APOC4: variants seen among roughly 807,000 people sequenced by gnomAD.
APOC4 encodes the protein apolipoprotein C-IV.
Under a neutral mutation model 8.4 loss-of-function variants are expected in APOC4, and 10 were observed. The ratio of observed to expected loss-of-function variants is 1.19; its 90% CI spans 0.74 to 2.03. The LOEUF (loss-of-function observed/expected upper bound fraction) is 2.03, where lower values mean the gene tolerates loss of function less well. Ranked by LOEUF, APOC4 falls within the 30% of genes most tolerant of loss-of-function variation. APOC4 has a pLI of 0.00. For missense variants in APOC4, 160 were observed against 156.1 expected (o/e 1.02, Z -0.13); for synonymous variants, 59 against 65.8 (o/e 0.90, Z 0.50).
rs367589753 is a variant in APOC4 at position 44,942,369 on chromosome 19, T to G, written c.76+16T>G. On this transcript the variant is annotated intron_variant, in intron 1 of 2. Transcript: ENST00000592954. ...TGCATTGGGGGTGAGAAGAAGTGGGTGGAGGGATGTGGGGCCCACACCTGG... is the reference window on the plus strand; with the variant it reads ...TGCATTGGGGGTGAGAAGAAGTGGGGGGAGGGATGTGGGGCCCACACCTGG... 2.4e-5 allele frequency: 38 copies of G among 1,611,516 alleles called. No individual in the cohort carries two copies. The African/African-American group carries it at 4.7e-4, about 20-fold the overall frequency.
chr19:44,943,391 A>T (rs1416403972), intron 1 of APOC4, among the ~76,000 whole-genome samples: 2 of 150,454 alleles, frequency 1.3e-5, no homozygotes, highest in East Asian at 4.0e-4. Flanking sequence ...TTAAAATGGG[A>T]TCATATTCTA....
At chr19:44,943,722 G>A (rs1209424697) in intron 1 of APOC4, among the ~76,000 whole-genome samples, 4 of 150,486 alleles carry the variant, frequency 2.7e-5, no homozygotes, top group South Asian at 2.1e-4. Context: ...GCGAGACTCC[G>A]TCTGAAAAAA....
Position 44,942,348 on chromosome 19 carries a change from T to A in APOC4, c.71T>A (p.Ile24Asn), listed in dbSNP as rs774128549. ...LCLCVLVLACIGACQPEAQEG... is the reference protein window; with the variant it reads ...LCLCVLVLACNGACQPEAQEG... ...CTCTGCGTGCTGGTCCTGGCCTGCA[T>A]TGGGGGTGAGAAGAAGTGGGTGGAG... The change falls in exon 1 of 3, where the codon ATT becomes AAT. Residue 24 changes from isoleucine to asparagine, a missense_variant. Physicochemically the swap from Ile to Asn is moderately radical, Grantham distance 149. Transcript: ENST00000592954. 4 of 1,612,410 alleles carry A rather than the reference T, an allele frequency of 2.5e-6. No homozygotes were observed. The Admixed American group carries it at 6.7e-5, about 27-fold the overall frequency.
chr19:44,942,272 C>T lies in APOC4; in HGVS notation c.-6C>T. On this transcript the variant is annotated 5_prime_UTR_variant, in exon 1 of 3. Coordinates refer to ENST00000592954, the MANE Select transcript of APOC4 (RefSeq NM_001646.3). Reference sequence around the variant, plus strand: ...ACAGAGGGACAGAGGCACGGAACCCCCAGAAATGTCCCTCCTCAGAAACAG... The same window carrying T: ...ACAGAGGGACAGAGGCACGGAACCCTCAGAAATGTCCCTCCTCAGAAACAG... 1.2e-6 allele frequency: 2 copies of T among 1,609,426 alleles called. No individual in the cohort carries two copies. The highest frequency in any genetic ancestry group is 1.7e-6 in the Non-Finnish European group (2 of 1,177,844).
intron 1 of APOC4, among the ~76,000 whole-genome samples, chr19:44,942,846 C>T (rs1171197615): frequency 6.6e-6 from 1 of 151,202 alleles, no homozygotes; most frequent in Non-Finnish European, 1.5e-5. Context: ...CTGCATCATC[C>T]GCCTACCCGT....
rs113641819 is a variant in APOC4, at chr19:44,942,823, C to T, written c.76+470C>T. On this transcript the variant is annotated intron_variant, in intron 1 of 2. Transcript: ENST00000592954. ...CTGGAGTGCAGTGGTAGCAGTGGTG[C>T]GATCTTGGCTCACTGCATCATCCGC... 2.8e-3 allele frequency among the ~76,000 whole-genome samples: 415 copies of T among 149,856 alleles called. 2 individuals are homozygous for T. The highest frequency in any genetic ancestry group is 9.6e-3 in the African/African-American group (391 of 40,598).
intron 1 of APOC4, among the ~76,000 whole-genome samples, chr19:44,943,600 G>A (rs573070981): frequency 1.0e-3 from 152 of 151,854 alleles, no homozygotes; most frequent in African/African-American, 3.4e-3. Context: ...GGTGGCATGC[G>A]CCTGTAGTCC....
Position 44,944,748 on chromosome 19 carries a change from G to T in APOC4, c.77-1G>T, listed in dbSNP as rs1472893828. The T allele has an allele frequency of 6.2e-7, 1 of 1,610,448 alleles. No individual in the cohort carries two copies. Among genetic ancestry groups the T allele is most frequent in the South Asian group, 1.1e-5 (1 of 90,514 alleles). On this transcript the variant is annotated splice_acceptor_variant, in intron 1 of 2. Coordinates refer to ENST00000592954, the MANE Select transcript of APOC4 (RefSeq NM_001646.3). LOFTEE classifies it high-confidence loss of function. The stretch of plus-strand genomic sequence containing the variant: ...CCAAGTTGCCCTCTGGTTCCACCTA[G>T]CATGCCAGCCAGAGGCCCAGGAAGG...
rs752572376 is a variant in APOC4 at position 44,944,756 on chromosome 19, G to A, written c.84G>A (p.Gln28=). Residue 28 remains glutamine, a synonymous_variant, in exon 2 of 3, where the codon CAG becomes CAA. Transcript: ENST00000592954. ...VLVLACIGAC[Q]PEAQEGTLSP... ...CCCTCTGGTTCCACCTAGCATGCCA[G>A]CCAGAGGCCCAGGAAGGAACCCTGA... 16 of 1,611,324 alleles carry A rather than the reference G, an allele frequency of 9.9e-6. No individual in the cohort carries two copies. The East Asian group carries it at 3.1e-4, about 31-fold the overall frequency.
chr19:44,943,626 C>T (rs1326338490), intron 1 of APOC4, among the ~76,000 whole-genome samples: 2 of 151,784 alleles, frequency 1.3e-5, no homozygotes, highest in African/African-American at 4.8e-5. Context: ...ACTCGGGAGG[C>T]TGAGGCCGGA....
chr19:44,942,419 C>T (rs993195520), intron 1 of APOC4, 66 bp downstream of exon 1: 158 of 1,515,294 alleles, frequency 1.0e-4, no homozygotes, highest in Middle Eastern at 5.1e-4. Context: ...GCTGTGTGTC[C>T]TGTGGCTCTG....
chr19:44,943,552 C>T (rs1434856474), intron 1 of APOC4, among the ~76,000 whole-genome samples: 1 of 151,580 alleles, frequency 6.6e-6, no homozygotes, highest in Non-Finnish European at 1.5e-5. Context: ...TGGGTAAAAA[C>T]CCATCTCTAC....
chr19:44,943,036 C>T lies in APOC4; in HGVS notation c.76+683C>T, dbSNP rs1011387438. Among the ~76,000 whole-genome samples, 4 of 152,116 alleles carry T rather than the reference C, an allele frequency of 2.6e-5. No individual in the cohort carries two copies. The South Asian group carries it at 8.3e-4, about 31-fold the overall frequency. The stretch of plus-strand genomic sequence containing the variant: ...TCCCGGGTTCACGCCATTCTCCTGC[C>T]TCAGCCTCCCGAGTAGCTGGGACTA... On this transcript the variant is annotated intron_variant, in intron 1 of 2. Coordinates refer to ENST00000592954, the MANE Select transcript of APOC4 (RefSeq NM_001646.3).
Position 44,945,214 on chromosome 19 carries a change from A to T in APOC4, c.293A>T (p.Lys98Met), listed in dbSNP as rs1174472069. The stretch of plus-strand genomic sequence containing the variant: ...CTGAGGGACCTGGGTCCGCTCACCA[A>T]GGCCTGGTTCCTCGAATCCAAAGAC... ...DHLRDLGPLT[K>M]AWFLESKDSL... The change falls in exon 3 of 3, where the codon AAG becomes ATG. Residue 98 changes from lysine to methionine, a missense_variant. Transcript: ENST00000592954. 1 of 1,614,074 alleles carries T rather than the reference A, an allele frequency of 6.2e-7. No homozygotes were observed. The highest frequency in any genetic ancestry group is 8.5e-7 in the Non-Finnish European group (1 of 1,180,002).
At chr19:44,943,046 C>T (rs1021486649) in intron 1 of APOC4, among the ~76,000 whole-genome samples, 8 of 151,942 alleles carry the variant, frequency 5.3e-5, no homozygotes, top group African/African-American at 1.7e-4. Flanking sequence ...CTCAGCCTCC[C>T]GAGTAGCTGG....
rs761037250 is a variant in APOC4 at position 44,942,312 on chromosome 19, C to T, written c.35C>T (p.Pro12Leu). 1.2e-6 allele frequency: 2 copies of T among 1,613,614 alleles called. No individual in the cohort carries two copies. The highest frequency in any genetic ancestry group is 1.7e-6 in the Non-Finnish European group (2 of 1,179,846). ...CTCAGAAACAGGCTCCAGGCCCTGC[C>T]TGCCCTGTGCCTCTGCGTGCTGGTC... ...SLLRNRLQAL[P>L]ALCLCVLVLA... is the part of the protein sequence containing the mutation. The change falls in exon 1 of 3, where the codon CCT becomes CTT. Residue 12 changes from proline to leucine, a missense_variant. By Grantham distance (98) the Pro-to-Leu change is moderately conservative. Coordinates refer to ENST00000592954, the MANE Select transcript of APOC4 (RefSeq NM_001646.3).
chr19:44,943,785 A>G (rs189740543), intron 1 of APOC4, among the ~76,000 whole-genome samples: 27 of 152,272 alleles, frequency 1.8e-4, no homozygotes, highest in Admixed American at 5.2e-4. Flanking sequence ...TTCCATGTGC[A>G]TCGTATGTAG....
At position 44,945,166 on chromosome 19, in the gene APOC4, T is replaced by G. The variant is rs776657518; in HGVS notation, c.245T>G (p.Met82Arg). The G allele has an allele frequency of 1.2e-6, 2 of 1,613,922 alleles. No individual in the cohort carries two copies. Among genetic ancestry groups the G allele is most frequent in the African/African-American group, 2.7e-5 (2 of 74,910 alleles). The stretch of plus-strand genomic sequence containing the variant: ...AGCCCGAGCACCTTCCGGGGCTTCA[T>G]GCAGACCTACTATGACGACCACCTG... ...FWSPSTFRGF[M>R]QTYYDDHLRD... The change falls in exon 3 of 3, where the codon ATG becomes AGG. Residue 82 changes from methionine to arginine, a missense_variant. Coordinates refer to ENST00000592954, the MANE Select transcript of APOC4 (RefSeq NM_001646.3).
Position 44,945,289 on chromosome 19 carries a change from A to G in APOC4, c.368A>G (p.Asp123Gly). 1 of 1,613,682 alleles carries G rather than the reference A, an allele frequency of 6.2e-7. No homozygotes were observed. Among genetic ancestry groups the G allele is most frequent in the Non-Finnish European group, 8.5e-7 (1 of 1,179,928 alleles). Residue 123 changes from aspartate (D) to glycine (G), a missense_variant, in exon 3 of 3, where the codon GAC becomes GGC. Coordinates refer to ENST00000592954, the MANE Select transcript of APOC4 (RefSeq NM_001646.3). ...CTGTGCCCCAGGCTTGTCTGTGGGG[A>G]CAAGGACCAGGGTTAAAATGTTCAT... ...HSLCPRLVCG[D>G]KDQG
Sources: gnomAD v4.1 joint callset for allele counts (sites outside exome capture counted in the v4.1 genomes callset) on GRCh38, gnomAD v4.1.1 for gene constraint, MANE v1.5 for transcripts, NCBI Gene and HGNC (gene_info 2026-07-23, HGNC 2026-07-21) for gene names.